SH3RF1: variants seen among roughly 807,000 people sequenced by gnomAD.
The protein encoded by SH3RF1 is E3 ubiquitin-protein ligase SH3RF1.
A neutral mutation model predicts 74.0 loss-of-function variants in SH3RF1; 32 were observed. That is an observed-to-expected ratio of 0.43 (90% confidence interval 0.33 to 0.58). The LOEUF is 0.58. Among genes scored for constraint, SH3RF1 ranks in the 20% least tolerant of loss-of-function variants. The pLI is 0.05. For synonymous variants in SH3RF1, 396 were observed against 439.6 expected, an observed-to-expected ratio of 0.90 and a Z score of 1.24; for missense variants, 954 against 1,130.9, an observed-to-expected ratio of 0.84 and a Z score of 2.24.
chr4:169,180,887 T>C (rs1207112500), intron 2 of SH3RF1, among the ~76,000 whole-genome samples: 2 of 152,190 alleles, frequency 1.3e-5, no homozygotes, highest in Admixed American at 6.5e-5. Flanking sequence ...TAAATATCCT[T>C]AGAAATCTTG....
In SH3RF1 at chr4:169,136,530, T is replaced by G; in HGVS notation, c.856A>C (p.Ser286Arg). 1 of 1,612,284 alleles carries G rather than the reference T, an allele frequency of 6.2e-7. No individual in the cohort carries two copies. The highest frequency in any genetic ancestry group is 8.5e-7 in the Non-Finnish European group (1 of 1,179,444). Residue 286 changes from serine to arginine, a missense_variant, in exon 5 of 12, where the codon AGC becomes CGC. By Grantham distance (110) the Ser-to-Arg change is moderately radical. This residue lies in a region of SH3RF1 where 854 missense variants were observed against 962.5 expected (regional missense o/e 0.89). Transcript: ENST00000284637. ...TCGGAGTGCTTTGGGGCAGTGCTGC[T>G]CTGGGCTGCTGCCGAGGAACATTCT... is the stretch of plus-strand genomic sequence containing the variant. ...AGECSSAAAQ[S>R]STAPKHSDTK...
intron 11 of SH3RF1, among the ~76,000 whole-genome samples, chr4:169,097,437 G>T (rs574571655): frequency 2.6e-5 from 4 of 152,108 alleles, no homozygotes; most frequent in Non-Finnish European, 4.4e-5. Context: ...TCAGAATTTG[G>T]AGTTAGTGGG....
At chr4:169,168,747 G>A (rs1416349050) in intron 2 of SH3RF1, among the ~76,000 whole-genome samples, 4 of 152,214 alleles carry the variant, frequency 2.6e-5, no homozygotes, top group African/African-American at 9.6e-5. Flanking sequence ...AAGGCAAAGG[G>A]ACAGACTATG....
intron 2 of SH3RF1, among the ~76,000 whole-genome samples, chr4:169,266,767 C>G (rs1383252859): frequency 2.0e-5 from 3 of 152,022 alleles, no homozygotes. Flanking sequence ...GGGCTAGAGG[C>G]GAGTGCCACA....
chr4:169,154,273 A>G (rs1354051242), intron 4 of SH3RF1, among the ~76,000 whole-genome samples: 1 of 152,218 alleles, frequency 6.6e-6, no homozygotes, highest in Non-Finnish European at 1.5e-5. Context: ...ATAAAATTCA[A>G]GACTCATACA....
chr4:169,204,188 CAG>C (rs1730185529), intron 2 of SH3RF1: 2 of 152,134 alleles, frequency 1.3e-5, no homozygotes, highest in African/African-American at 4.8e-5. Flanking sequence ...ATGATGAAAA[CAG>C]AGTTACTTTC....
chr4:169,191,724 C>G (rs533172385), intron 2 of SH3RF1, among the ~76,000 whole-genome samples: 1 of 151,846 alleles, frequency 6.6e-6, no homozygotes, highest in South Asian at 2.1e-4. Flanking sequence ...AATAGAGAAC[C>G]CAGAAATAAA....
chr4:169,160,615 G>T (rs1734135625), intron 2 of SH3RF1, among the ~76,000 whole-genome samples: 1 of 152,148 alleles, frequency 6.6e-6, no homozygotes, highest in Non-Finnish European at 1.5e-5. Flanking sequence ...TGTGCATCTG[G>T]CTGTGTTTTT....
intron 2 of SH3RF1, among the ~76,000 whole-genome samples, chr4:169,212,573 GC>G (rs1324763578): frequency 6.6e-6 from 1 of 151,898 alleles, no homozygotes. Context: ...TAGGTTCACA[GC>G]AAAACTGAGC....
intron 4 of SH3RF1, among the ~76,000 whole-genome samples, chr4:169,141,528 T>C (rs1733786323): frequency 6.6e-6 from 1 of 152,226 alleles, no homozygotes. Flanking sequence ...GTATTTCTAT[T>C]TATTAATGAG....
At chr4:169,148,838 C>A (rs1349367447) in intron 4 of SH3RF1, among the ~76,000 whole-genome samples, 1 of 152,084 alleles carries the variant, frequency 6.6e-6, no homozygotes, top group African/African-American at 2.4e-5. Flanking sequence ...TCTATACAGA[C>A]AAAGAAATAT....
At chr4:169,230,136 G>A (rs1016146086) in intron 2 of SH3RF1, among the ~76,000 whole-genome samples, 7 of 152,188 alleles carry the variant, frequency 4.6e-5, no homozygotes, top group South Asian at 2.1e-4. Flanking sequence ...ACCCAGGGGC[G>A]GAGGCTGCAG....
At chr4:169,255,139 T>G (rs1010441950) in intron 2 of SH3RF1, among the ~76,000 whole-genome samples, 1 of 152,162 alleles carries the variant, frequency 6.6e-6, no homozygotes. Flanking sequence ...AGAAGAGACT[T>G]TCTAAAAACC....
intron 4 of SH3RF1, among the ~76,000 whole-genome samples, chr4:169,138,038 C>T (rs921225461): frequency 6.6e-6 from 1 of 152,112 alleles, no homozygotes; most frequent in Non-Finnish European, 1.5e-5. Flanking sequence ...GTACCAATGG[C>T]GGGAGAAAGA....
At chr4:169,135,388 A>T (rs1220557315) in intron 5 of SH3RF1, among the ~76,000 whole-genome samples, 2 of 152,042 alleles carry the variant, frequency 1.3e-5, no homozygotes, top group Non-Finnish European at 1.5e-5. Context: ...TATATGGTGG[A>T]GCAGAATGTA....
chr4:169,182,579 G>A (rs975690178), intron 2 of SH3RF1, among the ~76,000 whole-genome samples: 1 of 152,162 alleles, frequency 6.6e-6, no homozygotes, highest in African/African-American at 2.4e-5. Flanking sequence ...CTCTATCACA[G>A]ACTAATTTGG....
chr4:169,149,347 C>T (rs979008027), intron 4 of SH3RF1, among the ~76,000 whole-genome samples: 1 of 152,268 alleles, frequency 6.6e-6, no homozygotes, highest in African/African-American at 2.4e-5. Flanking sequence ...GGAGCCAGTG[C>T]TCATTTTTCC....
intron 4 of SH3RF1, among the ~76,000 whole-genome samples, chr4:169,151,130 T>C (rs1733969509): frequency 6.6e-6 from 1 of 152,206 alleles, no homozygotes; most frequent in Non-Finnish European, 1.5e-5. Context: ...CATAGGTTGC[T>C]CATTCATTCA....
chr4:169,215,777 T>G (rs908583066), intron 2 of SH3RF1, among the ~76,000 whole-genome samples: 3 of 148,170 alleles, frequency 2.0e-5, no homozygotes. Flanking sequence ...GTATTTTTTG[T>G]TTTTTTTTTC....
Sources: gnomAD v4.1 joint callset for allele counts (sites outside exome capture counted in the v4.1 genomes callset) on GRCh38, gnomAD v4.1.1 for gene constraint, gnomAD v4.1.1 regional missense constraint, MANE v1.5 for transcripts, NCBI Gene and HGNC (gene_info 2026-07-23, HGNC 2026-07-21) for gene names.